Variants in DLG2 observed in about 807,000 individuals in gnomAD.
The protein encoded by DLG2 is discs large MAGUK scaffold protein 2.
In DLG2, 45 loss-of-function variants were observed where a neutral mutation model predicts 132.5. The ratio of observed to expected loss-of-function variants is 0.34; its 90% CI spans 0.27 to 0.44. DLG2 has a LOEUF of 0.44. DLG2 is among the 20% of genes least tolerant of loss of function. The pLI is 1.00. For missense variants in DLG2, 1,045 were observed against 1,196.9 expected, an observed-to-expected ratio of 0.87 and a Z score of 1.87; for synonymous variants, 424 against 419.6, an observed-to-expected ratio of 1.01 and a Z score of -0.13.
chr11:83,511,621 ATTGT>A (rs2095036367), intron 21 of DLG2, among the ~76,000 whole-genome samples: 1 of 151,978 alleles, frequency 6.6e-6, no homozygotes, highest in African/African-American at 2.4e-5. Flanking sequence ...ATAAGCATTG[ATTGT>A]TTTTGTCAAA....
chr11:84,276,779 C>T (rs1395030696), intron 7 of DLG2, among the ~76,000 whole-genome samples: 1 of 152,182 alleles, frequency 6.6e-6, no homozygotes, highest in Non-Finnish European at 1.5e-5. Context: ...ACGTTGAGTG[C>T]TTTCTGCTGG....
chr11:83,793,127 G>A (rs142245789), intron 17 of DLG2, among the ~76,000 whole-genome samples: 1 of 151,768 alleles, frequency 6.6e-6, no homozygotes, highest in Non-Finnish European at 1.5e-5. Flanking sequence ...TGTTGTTTAG[G>A]CAGTTTGCTC....
At chr11:84,157,419 C>T (rs1566745890) in intron 9 of DLG2, among the ~76,000 whole-genome samples, 1 of 152,216 alleles carries the variant, frequency 6.6e-6, no homozygotes, top group African/African-American at 2.4e-5. Context: ...GGCCGTCATC[C>T]ACTACTTTTT....
rs373373237 is a variant in DLG2, at chr11:84,164,275, C to A, written c.574-764G>T. ...GAAAAGTTGGTTTAAAATAATCTAA[C>A]AAATATTCCTTTCTCATTTTCATCT... On this transcript the variant is annotated intron_variant, in intron 8 of 27. Coordinates refer to ENST00000376104, the MANE Select transcript of DLG2 (RefSeq NM_001142699.3). Among the ~76,000 whole-genome samples, 3 of 152,296 alleles carry A rather than the reference C, an allele frequency of 2.0e-5. No homozygotes were observed. In the East Asian group the frequency reaches 5.8e-4, roughly 29 times the overall value.
rs199624262 is a variant in DLG2 at position 84,502,942 on chromosome 11, G to C, written c.519+31628C>G. Among the ~76,000 whole-genome samples, 39 of 152,202 alleles carry C rather than the reference G, an allele frequency of 2.6e-4. No homozygotes were observed. The East Asian group carries it at 3.7e-3, about 14-fold the overall frequency. On this transcript the variant is annotated intron_variant, in intron 7 of 27. Coordinates refer to ENST00000376104, the MANE Select transcript of DLG2 (RefSeq NM_001142699.3). Reference sequence around the variant, plus strand: ...AATGCTACATGGAGAAGAAGGTCAGGGATAAGTGCCTAATTAGAATAGACA... The same window carrying C: ...AATGCTACATGGAGAAGAAGGTCAGCGATAAGTGCCTAATTAGAATAGACA...
intron 21 of DLG2, among the ~76,000 whole-genome samples, chr11:83,508,694 CACACAA>C (rs1217407062): frequency 6.6e-6 from 1 of 152,160 alleles, no homozygotes. Context: ...CAAACACACA[CACACAA>C]ACACAACACA....
chr11:83,483,448 CTT>C, intron 22 of DLG2: 1 of 549,522 alleles, frequency 1.8e-6, no homozygotes, highest in East Asian at 3.1e-5. Context: ...TTTAAAAAAA[CTT>C]TCACCCCAAA....
chr11:85,324,262 A>T (rs1220593193), intron 3 of DLG2, among the ~76,000 whole-genome samples: 1 of 151,992 alleles, frequency 6.6e-6, no homozygotes, highest in Non-Finnish European at 1.5e-5. Context: ...TGGTGGAGTG[A>T]TGCCAGGATA....
intron 9 of DLG2, among the ~76,000 whole-genome samples, chr11:84,130,047 T>C (rs1381898250): frequency 1.3e-5 from 2 of 152,084 alleles, no homozygotes; most frequent in African/African-American, 4.8e-5. Flanking sequence ...TTCTTGCTCA[T>C]AAAGCTATTC....
chr11:83,809,595 A>AC (rs2046758934), intron 17 of DLG2, among the ~76,000 whole-genome samples: 1 of 152,142 alleles, frequency 6.6e-6, no homozygotes, highest in Non-Finnish European at 1.5e-5. Context: ...TCCTGAACTG[A>AC]CCCTTAGTCC....
chr11:85,144,071 G>C (rs1379235690), intron 5 of DLG2, among the ~76,000 whole-genome samples: 1 of 151,622 alleles, frequency 6.6e-6, no homozygotes, highest in Non-Finnish European at 1.5e-5. Context: ...TTTCTCTTTA[G>C]CCTTAATAAT....
At chr11:84,458,924 C>A (rs2099072809) in intron 7 of DLG2, among the ~76,000 whole-genome samples, 1 of 150,564 alleles carries the variant, frequency 6.6e-6, no homozygotes, top group Non-Finnish European at 1.5e-5. Context: ...CCTACTTAGT[C>A]CTCATAAACA....
intron 3 of DLG2, among the ~76,000 whole-genome samples, chr11:85,289,044 C>G (rs192152438): frequency 6.6e-6 from 1 of 151,856 alleles, no homozygotes; most frequent in Admixed American, 6.6e-5. Context: ...TTTATACCCC[C>G]AAATGTGAAG....
intron 21 of DLG2, among the ~76,000 whole-genome samples, chr11:83,507,411 AT>A (rs1328775105): frequency 3.6e-4 from 54 of 149,066 alleles, no homozygotes; most frequent in African/African-American, 1.3e-3. Context: ...ATATATATAT[AT>A]ACACACATAC....
chr11:84,179,125 T>C (rs1264646697), intron 8 of DLG2, among the ~76,000 whole-genome samples: 1 of 152,018 alleles, frequency 6.6e-6, no homozygotes, highest in African/African-American at 2.4e-5. Context: ...ATGACAACAA[T>C]GACACATCAA....
chr11:84,207,321 G>A (rs561571729), intron 8 of DLG2, among the ~76,000 whole-genome samples: 55 of 151,398 alleles, frequency 3.6e-4, no homozygotes, highest in Non-Finnish European at 7.4e-4. Context: ...AAATATAAAG[G>A]GTCAAGATAG....
intron 6 of DLG2, among the ~76,000 whole-genome samples, chr11:84,828,392 T>G (rs115411168): frequency 3.3e-5 from 5 of 151,944 alleles, no homozygotes; most frequent in African/African-American, 1.2e-4. Flanking sequence ...GACTTTCACT[T>G]TATTCAAGGA....
At chr11:84,668,409 A>G (rs981110779) in intron 6 of DLG2, among the ~76,000 whole-genome samples, 2 of 152,174 alleles carry the variant, frequency 1.3e-5, no homozygotes, top group African/African-American at 2.4e-5. Context: ...GTATCTTTGA[A>G]TTATCAAATA....
In DLG2 at chr11:83,604,952, T is replaced by A. The variant is rs140485172; in HGVS notation, c.1940+28259A>T. Among the ~76,000 whole-genome samples the A allele has an allele frequency of 4.8e-4, 71 of 149,392 alleles. 2 individuals are homozygous for A. The highest frequency in any genetic ancestry group is 1.7e-3 in the African/African-American group (69 of 40,654). On this transcript the variant is annotated intron_variant, in intron 19 of 27. Transcript: ENST00000376104. ...CAGGCCAGAGCAAATCAGAATAGAG[T>A]CATTAATGTTAGGTGCCATATAATC... is the stretch of plus-strand genomic sequence containing the variant.
Sources: allele counts gnomAD v4.1 joint callset (sites outside exome capture counted in the v4.1 genomes callset), GRCh38; gene constraint gnomAD v4.1.1; transcripts MANE v1.5; gene names NCBI Gene and HGNC (gene_info 2026-07-23, HGNC 2026-07-21).